PGBD4: variants seen among roughly 807,000 people sequenced by gnomAD.
PGBD4 encodes piggyBac transposable element derived 4.
In PGBD4, 1 loss-of-function variant was observed where a neutral mutation model predicts 0.3. That is an observed-to-expected ratio of 3.72 (90% CI 1.32 to 17.64). PGBD4 has a LOEUF of 17.64. PGBD4 is among the 30% of genes most tolerant of loss of function. PGBD4 has a pLI of 0.11. For synonymous variants in PGBD4, 253 were observed against 267.7 expected (o/e 0.95, Z 0.54); for missense variants, 624 against 719.7 (o/e 0.87, Z 1.52).
At position 34,103,722 on chromosome 15, in the gene PGBD4, A is replaced by G; in HGVS notation, c.1191A>G (p.Ser397=). Residue 397 remains serine, a synonymous_variant, in exon 1 of 1, where the codon TCA becomes TCG. Coordinates refer to ENST00000397766, the MANE Select transcript of PGBD4 (RefSeq NM_152595.5). This position sits in a 1 kb window ranked among gnomAD's most constrained non-coding sequence, Gnocchi z 4.6. ...WCDGKEVTML[S]TFHNDTVIEV... is the part of the protein sequence containing the mutation. The stretch of plus-strand genomic sequence containing the variant: ...ACGGCAAGGAGGTGACAATGTTGTC[A>G]ACATTCCACAATGATACTGTGATTG... The G allele has an allele frequency of 6.2e-7, 1 of 1,614,238 alleles. No individual in the cohort carries two copies. The highest frequency in any genetic ancestry group is 8.5e-7 in the Non-Finnish European group (1 of 1,180,044).
chr15:34,104,077 C>T lies in PGBD4; in HGVS notation c.1546C>T (p.Pro516Ser), dbSNP rs1901232206. 1 of 1,614,106 alleles carries T rather than the reference C, an allele frequency of 6.2e-7. No individual in the cohort carries two copies. The highest frequency in any genetic ancestry group is 1.3e-5 in the African/African-American group (1 of 74,938). ...TCGTCCTTGCTCCGATGATGTCACA[C>T]CTCTTCGTCTGTCTGGAAGACATTT... is the stretch of plus-strand genomic sequence containing the variant. ...RGRPCSDDVTPLRLSGRHFPK... is the reference protein window; with the variant it reads ...RGRPCSDDVTSLRLSGRHFPK... Residue 516 changes from proline (P) to serine (S), a missense_variant, in exon 1 of 1, where the codon CCT (proline) becomes TCT (serine). By Grantham distance (74) the Pro-to-Ser change is moderately conservative. Transcript: ENST00000397766.
rs4780214 is a variant in PGBD4 at position 34,108,484 on chromosome 15, C to G, written c.*4195C>G. 112,365 of 152,106 alleles carry G rather than the reference C, an allele frequency of 0.74. 45,671 individuals carry two copies. Among genetic ancestry groups the G allele is most frequent in the Non-Finnish European group, 0.9 (60,948 of 68,022 alleles). The allele number at this position is 152,106 out of a possible 1,614,324, so 9.4% of individuals were successfully genotyped here. On this transcript the variant is annotated 3_prime_UTR_variant, in exon 1 of 1. Coordinates refer to ENST00000397766, the MANE Select transcript of PGBD4 (RefSeq NM_152595.5). ...AGCCCTGAGGCCTTTGTTTCAGTCC[C>G]AACCAGAGCAGAAGTAAGCATTGTT...
Position 34,103,490 on chromosome 15 carries a change from AC to A in PGBD4, c.961del (p.Leu321PhefsTer36), listed in dbSNP as rs770341607. The A allele has an allele frequency of 1.2e-6, 2 of 1,614,152 alleles. No homozygotes were observed. Among genetic ancestry groups the A allele is most frequent in the South Asian group, 1.1e-5 (1 of 91,078 alleles). ...SSRIVLTLVN[D>X]LLGQGYCVFL... is the part of the protein sequence containing the mutation. ...CGCATTGTTCTTACCTTGGTCAATG[AC>A]CTTCTTGGCCAAGGGTATTGTGTCT... On this transcript the variant is annotated frameshift_variant, in exon 1 of 1. Coordinates refer to ENST00000397766, the MANE Select transcript of PGBD4 (RefSeq NM_152595.5). LOFTEE classifies it low-confidence loss of function (END_TRUNC). The surrounding 1 kb of genome is among the most constrained non-coding windows in gnomAD (Gnocchi z 4.6).
rs186818346 is a variant in PGBD4, at chr15:34,105,368, G to A, written c.*1079G>A. On this transcript the variant is annotated 3_prime_UTR_variant, in exon 1 of 1. Coordinates refer to ENST00000397766, the MANE Select transcript of PGBD4 (RefSeq NM_152595.5). ...GTGAAGTGACTTGCCCAAGATCTTT[G>A]TTGGCCCTAAACATCGCTGTCTCTG... The A allele has an allele frequency of 3.0e-5, 5 of 167,120 alleles. No individual in the cohort carries two copies. The highest frequency in any genetic ancestry group is 5.9e-5 in the Non-Finnish European group (4 of 68,142). The allele number at this position is 167,120 out of a possible 1,614,324, so 10.4% of individuals were successfully genotyped here.
chr15:34,104,013 G>A lies in PGBD4; in HGVS notation c.1482G>A (p.Leu494=), dbSNP rs1901230796. 1 of 1,614,160 alleles carries A rather than the reference G, an allele frequency of 6.2e-7. No individual in the cohort carries two copies. ...GACTGGCATTGATTGAAAGAATGCT[G>A]GAAAAGCATCACAAGCCAGGGCAGC... ...NFRLALIERM[L]EKHHKPGQQH... is the part of the protein sequence containing the mutation. The change falls in exon 1 of 1, where the codon CTG becomes CTA. Residue 494 remains leucine, a synonymous_variant. Coordinates refer to ENST00000397766, the MANE Select transcript of PGBD4 (RefSeq NM_152595.5).
At position 34,102,244 on chromosome 15, in the gene PGBD4, C is replaced by A. The variant is rs556625484; in HGVS notation, c.-288C>A. On this transcript the variant is annotated 5_prime_UTR_variant, in exon 1 of 1. Transcript: ENST00000397766. The surrounding 1 kb of genome is among the most constrained non-coding windows in gnomAD (Gnocchi z 4.7). The stretch of plus-strand genomic sequence containing the variant: ...AAAAACTTCTAGAGACTCCCCAAGA[C>A]GTATGAGATGAAAGGCTTCTTCTGT... The A allele has an allele frequency of 6.3e-6, 3 of 477,022 alleles. No homozygotes were observed. Among genetic ancestry groups the A allele is most frequent in the African/African-American group, 4.0e-5 (2 of 50,416 alleles). The allele number at this position is 477,022 out of a possible 1,614,324, so 29.5% of individuals were successfully genotyped here. A position where few individuals can be genotyped will look rare whatever the true frequency, so the allele number is the denominator to read the frequency against.
At position 34,103,471 on chromosome 15, in the gene PGBD4, G is replaced by T. The variant is rs897113333; in HGVS notation, c.940G>T (p.Val314Phe). The T allele has an allele frequency of 1.1e-5, 18 of 1,614,104 alleles. No individual in the cohort carries two copies. The highest frequency in any genetic ancestry group is 2.2e-5 in the East Asian group (1 of 44,898). ...GGATGGCCTGAAATCATCACGCATTGTTCTTACCTTGGTCAATGACCTTCT... is the reference window on the plus strand; with the variant it reads ...GGATGGCCTGAAATCATCACGCATTTTTCTTACCTTGGTCAATGACCTTCT... ...SADGLKSSRI[V>F]LTLVNDLLGQ... Residue 314 changes from valine (V) to phenylalanine (F), a missense_variant, in exon 1 of 1, where the codon GTT becomes TTT. By Grantham distance (50) the Val-to-Phe change is conservative (BLOSUM62 -1). Coordinates refer to ENST00000397766, the MANE Select transcript of PGBD4 (RefSeq NM_152595.5). The surrounding 1 kb of genome is among the most constrained non-coding windows in gnomAD (Gnocchi z 4.6).
Position 34,103,345 on chromosome 15 carries a change from C to T in PGBD4, c.814C>T (p.Arg272Ter). The T allele has an allele frequency of 1.2e-6, 2 of 1,614,126 alleles. No individual in the cohort carries two copies. Among genetic ancestry groups the T allele is most frequent in the Non-Finnish European group, 1.7e-6 (2 of 1,180,026 alleles). ...GCAGTACCTCCCGACAAAACGAGTA[C>T]GATTTGGTCTGAAGCTATATGTACT... ...MKQYLPTKRV[R>*]FGLKLYVLCE... Residue 272 changes from arginine (R) to a stop codon, truncating the protein, a stop_gained, in exon 1 of 1, where the codon CGA (arginine) becomes TGA (stop). Transcript: ENST00000397766. LOFTEE classifies it low-confidence loss of function (END_TRUNC). This position sits in a 1 kb window ranked among gnomAD's most constrained non-coding sequence, Gnocchi z 4.6.
rs750436257 is a variant in PGBD4, at chr15:34,103,964, A to C, written c.1433A>C (p.His478Pro). 2.5e-6 allele frequency: 4 copies of C among 1,614,130 alleles called. No individual in the cohort carries two copies. Residue 478 changes from histidine (H) to proline (P), a missense_variant, in exon 1 of 1, where the codon CAC (histidine) becomes CCC (proline). Transcript: ENST00000397766. This position sits in a 1 kb window ranked among gnomAD's most constrained non-coding sequence, Gnocchi z 4.6. ...YILFKKDNPE[H>P]TMSHINFRLA... The stretch of plus-strand genomic sequence containing the variant: ...CTGTTCAAGAAGGATAATCCTGAGC[A>C]CACGATGAGCCATATAAACTTCAGA...
Position 34,103,479 on chromosome 15 carries a change from C to G in PGBD4, c.948C>G (p.Thr316=). The G allele has an allele frequency of 6.2e-7, 1 of 1,614,206 alleles. No homozygotes were observed. The highest frequency in any genetic ancestry group is 8.5e-7 in the Non-Finnish European group (1 of 1,180,044). The change falls in exon 1 of 1, where the codon ACC becomes ACG. Residue 316 remains threonine (T), a synonymous_variant. Transcript: ENST00000397766. This position sits in a 1 kb window ranked among gnomAD's most constrained non-coding sequence, Gnocchi z 4.6. ...DGLKSSRIVL[T]LVNDLLGQGY... is the part of the protein sequence containing the mutation. The stretch of plus-strand genomic sequence containing the variant: ...TGAAATCATCACGCATTGTTCTTAC[C>G]TTGGTCAATGACCTTCTTGGCCAAG...
Position 34,102,505 on chromosome 15 carries a change from A to T in PGBD4, c.-27A>T. 6.8e-7 allele frequency: 1 copy of T among 1,478,712 alleles called. No homozygotes were observed. Among genetic ancestry groups the T allele is most frequent in the Non-Finnish European group, 9.0e-7 (1 of 1,116,290 alleles). The allele number at this position is 1,478,712 out of a possible 1,614,324, so 91.6% of individuals were successfully genotyped here. On this transcript the variant is annotated 5_prime_UTR_variant, in exon 1 of 1. Coordinates refer to ENST00000397766, the MANE Select transcript of PGBD4 (RefSeq NM_152595.5). The surrounding 1 kb of genome is among the most constrained non-coding windows in gnomAD (Gnocchi z 4.7). ...TTTTAGTAGTGGGATTTCCATCTACAAAATATAGTAATTCTCGATCGCTGA... is the reference window on the plus strand; with the variant it reads ...TTTTAGTAGTGGGATTTCCATCTACTAAATATAGTAATTCTCGATCGCTGA...
Position 34,102,368 on chromosome 15 carries a change from C to A in PGBD4, c.-164C>A. On this transcript the variant is annotated 5_prime_UTR_variant, in exon 1 of 1. It introduces an in-frame stop codon into an upstream open reading frame of the 5' UTR. Coordinates refer to ENST00000397766, the MANE Select transcript of PGBD4 (RefSeq NM_152595.5). This position sits in a 1 kb window ranked among gnomAD's most constrained non-coding sequence, Gnocchi z 4.7. ...CCGAGATAACTCGTGGATTACAGTG[C>A]CAACCTTACTCCCAAAGTTTGCCAC... is the stretch of plus-strand genomic sequence containing the variant. The A allele has an allele frequency of 8.9e-7, 1 of 1,119,032 alleles. No individual in the cohort carries two copies. The highest frequency in any genetic ancestry group is 1.2e-6 in the Non-Finnish European group (1 of 821,444). The allele number at this position is 1,119,032 out of a possible 1,614,324, so 69.3% of individuals were successfully genotyped here. A position where few individuals can be genotyped will look rare whatever the true frequency, so the allele number is the denominator to read the frequency against.
Position 34,102,886 on chromosome 15 carries a change from A to AAAATACT in PGBD4, c.359_360insACTAAAT (p.Thr121LeufsTer4). ...GTTCTTTACTGAGGAATTAGTTTCA[A>AAAATACT]AAATTACTAGAGAAACAAATGCCCA... On this transcript the variant is annotated frameshift_variant, in exon 1 of 1. Coordinates refer to ENST00000397766, the MANE Select transcript of PGBD4 (RefSeq NM_152595.5). LOFTEE classifies it low-confidence loss of function (END_TRUNC). The surrounding 1 kb of genome is among the most constrained non-coding windows in gnomAD (Gnocchi z 4.7). The AAAATACT allele has an allele frequency of 6.2e-7, 1 of 1,614,216 alleles. No individual in the cohort carries two copies. Among genetic ancestry groups the AAAATACT allele is most frequent in the Non-Finnish European group, 8.5e-7 (1 of 1,180,038 alleles).
Position 34,107,699 on chromosome 15 carries a change from T to A in PGBD4, c.*3410T>A, listed in dbSNP as rs975608271. ...TTTTGAGACAGAGTTTCACTCTTTG[T>A]TGCCCAGGCTGGAGTGCAGTGGCGT... is the stretch of plus-strand genomic sequence containing the variant. On this transcript the variant is annotated 3_prime_UTR_variant, in exon 1 of 1. Transcript: ENST00000397766. The A allele has an allele frequency of 6.6e-6, 1 of 152,612 alleles. No individual in the cohort carries two copies. Among genetic ancestry groups the A allele is most frequent in the African/African-American group, 2.4e-5 (1 of 41,480 alleles). The allele number at this position is 152,612 out of a possible 1,614,324, so 9.5% of individuals were successfully genotyped here. A position where few individuals can be genotyped will look rare whatever the true frequency, so the allele number is the denominator to read the frequency against.
rs773931267 is a variant in PGBD4, at chr15:34,103,503, AG to A, written c.975del (p.Tyr326IlefsTer31). 2 of 1,614,128 alleles carry A rather than the reference AG, an allele frequency of 1.2e-6. No individual in the cohort carries two copies. The highest frequency in any genetic ancestry group is 1.7e-6 in the Non-Finnish European group (2 of 1,180,060). ...LTLVNDLLGQ[G>X]YCVFLDNFNI... The stretch of plus-strand genomic sequence containing the variant: ...CCTTGGTCAATGACCTTCTTGGCCA[AG>A]GGTATTGTGTCTTCCTCGATAACTT... On this transcript the variant is annotated frameshift_variant, in exon 1 of 1. Coordinates refer to ENST00000397766, the MANE Select transcript of PGBD4 (RefSeq NM_152595.5). LOFTEE classifies it low-confidence loss of function (END_TRUNC). The surrounding 1 kb of genome is among the most constrained non-coding windows in gnomAD (Gnocchi z 4.6).
Position 34,103,012 on chromosome 15 carries a change from G to A in PGBD4, c.481G>A (p.Val161Ile). ...DNDELKVFFA[V>I]MLLQGIVQKP... is the part of the protein sequence containing the mutation. ...TGACGAGCTCAAAGTCTTTTTTGCA[G>A]TAATGTTACTGCAAGGTATTGTGCA... The change falls in exon 1 of 1, where the codon GTA (valine) becomes ATA (isoleucine). Residue 161 changes from valine to isoleucine, a missense_variant. Physicochemically the swap from Val to Ile is conservative, Grantham distance 29 (BLOSUM62 3). Transcript: ENST00000397766. The surrounding 1 kb of genome is among the most constrained non-coding windows in gnomAD (Gnocchi z 4.6). 6.2e-7 allele frequency: 1 copy of A among 1,614,078 alleles called. No homozygotes were observed. Among genetic ancestry groups the A allele is most frequent in the Non-Finnish European group, 8.5e-7 (1 of 1,180,034 alleles).
rs528948049 is a variant in PGBD4, at chr15:34,105,080, G to A, written c.*791G>A. ...TTTTTTTTTTCCTAAATGGAAAATG[G>A]GAAGGAGATACTGTCTCTGAACAAA... On this transcript the variant is annotated 3_prime_UTR_variant, in exon 1 of 1. Transcript: ENST00000397766. 1.1e-4 allele frequency: 18 copies of A among 167,114 alleles called. No individual in the cohort carries two copies. Among genetic ancestry groups the A allele is most frequent in the African/African-American group, 4.3e-4 (18 of 41,548 alleles). The allele number at this position is 167,114 out of a possible 1,614,324, so 10.4% of individuals were successfully genotyped here.
Position 34,103,165 on chromosome 15 carries a change from A to T in PGBD4, c.634A>T (p.Ile212Leu), listed in dbSNP as rs547379354. ...RCLHFVNNSS[I>L]SAGQSKAQIS... ...CCTGCATTTTGTCAACAATTCTTCT[A>T]TATCTGCTGGTCAATCAAAGGCCCA... The change falls in exon 1 of 1, where the codon ATA becomes TTA. Residue 212 changes from isoleucine (I) to leucine (L), a missense_variant. Ile to Leu is a conservative substitution (Grantham distance 5). Coordinates refer to ENST00000397766, the MANE Select transcript of PGBD4 (RefSeq NM_152595.5). The surrounding 1 kb of genome is among the most constrained non-coding windows in gnomAD (Gnocchi z 4.6). 6.2e-7 allele frequency: 1 copy of T among 1,614,072 alleles called. No homozygotes were observed. The highest frequency in any genetic ancestry group is 1.7e-5 in the Admixed American group (1 of 60,024).
Position 34,108,341 on chromosome 15 carries a change from C to T in PGBD4, c.*4052C>T, listed in dbSNP as rs1887791964. On this transcript the variant is annotated 3_prime_UTR_variant, in exon 1 of 1. Transcript: ENST00000397766. ...GTATTGTAGGATTAATGGAGAGCAG[C>T]TAAAGAGGAATAAAGCCATGTGTTC... 1 of 152,164 alleles carries T rather than the reference C, an allele frequency of 6.6e-6. No individual in the cohort carries two copies. The highest frequency in any genetic ancestry group is 1.5e-5 in the Non-Finnish European group (1 of 68,040). 9.4% of individuals were successfully genotyped at this position (152,164 alleles called of 1,614,324 possible).
Sources: allele counts gnomAD v4.1 joint callset, GRCh38; gene constraint gnomAD v4.1.1; non-coding constraint Gnocchi (gnomAD v3.1); transcripts MANE v1.5; gene names NCBI Gene and HGNC (gene_info 2026-07-23, HGNC 2026-07-21).